The following PDE1C variants were observed in gnomAD, a reference collection of about 807,000 sequenced individuals.
PDE1C encodes the protein phosphodiesterase 1C, also known as dual specificity calcium/calmodulin-dependent 3',5'-cyclic nucleotide phosphodiesterase 1C.
In PDE1C, 62 loss-of-function variants were observed where a neutral mutation model predicts 93.1. The observed-to-expected ratio is 0.67, with a 90% CI of 0.54 to 0.82. The LOEUF is 0.82. Among genes scored for constraint, PDE1C ranks in the 40% least tolerant of loss-of-function variants. PDE1C has a pLI of 0.00. For synonymous variants in PDE1C, 325 were observed against 310.1 expected (o/e 1.05, Z -0.50); for missense variants, 742 against 884.6 (o/e 0.84, Z 2.04).
At chr7:32,310,665 T>C (rs914114527) in intron 1 of PDE1C, among the ~76,000 whole-genome samples, 13 of 151,984 alleles carry the variant, frequency 8.6e-5, no homozygotes, top group East Asian at 5.8e-4. Context: ...GGGTACATAA[T>C]GAAATGAAGG....
chr7:31,944,422 C>T (rs1806304324), intron 2 of PDE1C, among the ~76,000 whole-genome samples: 1 of 152,200 alleles, frequency 6.6e-6, no homozygotes, highest in Non-Finnish European at 1.5e-5. Context: ...TTCAAGGCAG[C>T]TCTCCTGAGG....
chr7:32,011,554 GGTAATAA>G (rs1787117467), intron 2 of PDE1C, among the ~76,000 whole-genome samples: 1 of 152,232 alleles, frequency 6.6e-6, no homozygotes, highest in Admixed American at 6.5e-5. Context: ...AAGATAAAAA[GGTAATAA>G]GTAAGCACAT....
At chr7:31,729,256 C>T in the PDE1C span, among the ~76,000 whole-genome samples, 1 of 152,110 alleles carries the variant, frequency 6.6e-6, no homozygotes, top group African/African-American at 2.4e-5. Flanking sequence ...TGGGAAATAC[C>T]CTGCTCAGAG....
At chr7:31,714,613 T>G in the PDE1C span, among the ~76,000 whole-genome samples, 1 of 152,176 alleles carries the variant, frequency 6.6e-6, no homozygotes, top group Non-Finnish European at 1.5e-5. Context: ...AAAAGAAGTT[T>G]AATGGACTTG....
the PDE1C span, among the ~76,000 whole-genome samples, chr7:31,722,667 C>A: frequency 2.0e-5 from 3 of 152,180 alleles, no homozygotes; most frequent in East Asian, 5.8e-4. Context: ...GGTGAAGAAG[C>A]AGGATGGTGG....
chr7:31,906,998 G>A (rs6951702), intron 2 of PDE1C, among the ~76,000 whole-genome samples: 3,659 of 151,776 alleles, frequency 0.024, 142 homozygotes, highest in African/African-American at 0.084. Context: ...ATGATGCAAG[G>A]CAGAATGAAA....
At chr7:32,169,636 A>G (rs1802521268) in intron 3 of PDE1C, 3 of 706,734 alleles carry the variant, frequency 4.2e-6, no homozygotes, top group Non-Finnish European at 7.3e-6. Context: ...TCCAGCTAGC[A>G]TTGATTCCAA....
At chr7:31,763,848 G>C (rs2191878) in intron 17 of PDE1C, among the ~76,000 whole-genome samples, 16,986 of 151,994 alleles carry the variant, frequency 0.11, 1,329 homozygotes, top group East Asian at 0.38. Context: ...TTACATGAAA[G>C]ATCTCACCAC....
At chr7:32,148,726 G>A (rs912770918) in intron 3 of PDE1C, among the ~76,000 whole-genome samples, 38 of 152,080 alleles carry the variant, frequency 2.5e-4, no homozygotes, top group Admixed American at 1.4e-3. Context: ...ACTCACTGCC[G>A]TATCCCCAGC....
At chr7:31,652,917 G>C in the PDE1C span, 1 of 1,537,606 alleles carries the variant, frequency 6.5e-7, no homozygotes. Flanking sequence ...CAAGGAGAAG[G>C]GTCTGCCAAC....
At chr7:32,069,566 T>C (rs1795784867) in intron 1 of PDE1C, among the ~76,000 whole-genome samples, 1 of 152,070 alleles carries the variant, frequency 6.6e-6, no homozygotes, top group Non-Finnish European at 1.5e-5. Flanking sequence ...GAAATATTTT[T>C]ACAGAAAATA....
the PDE1C span, among the ~76,000 whole-genome samples, chr7:31,650,502 T>C: frequency 1.3e-5 from 2 of 151,944 alleles, no homozygotes; most frequent in African/African-American, 4.8e-5. Context: ...TCAGGAGCAA[T>C]GGGAAGGATT....
chr7:32,036,662 G>A (rs1278297146), intron 2 of PDE1C, among the ~76,000 whole-genome samples: 1 of 152,096 alleles, frequency 6.6e-6, no homozygotes, highest in African/African-American at 2.4e-5. Flanking sequence ...TTAAAAAGAT[G>A]GCAAGCAACA....
chr7:32,031,401 A>G (rs1298223203), intron 2 of PDE1C, among the ~76,000 whole-genome samples: 1 of 152,194 alleles, frequency 6.6e-6, no homozygotes, highest in Admixed American at 6.5e-5. Flanking sequence ...AAAGCCACAC[A>G]CTGATTAGTA....
At chr7:32,159,110 C>T (rs958635306) in intron 3 of PDE1C, among the ~76,000 whole-genome samples, 35 of 152,054 alleles carry the variant, frequency 2.3e-4, no homozygotes, top group African/African-American at 6.5e-4. Context: ...GTCTGGGAGA[C>T]GGGGAGAGGG....
At chr7:32,161,882 AGG>A (rs1801948909) in intron 3 of PDE1C, among the ~76,000 whole-genome samples, 1 of 152,118 alleles carries the variant, frequency 6.6e-6, no homozygotes, top group African/African-American at 2.4e-5. Context: ...GCATATGCTG[AGG>A]GGTTGAGGAC....
At chr7:32,378,568 C>T (rs1260450829) in intron 1 of PDE1C, among the ~76,000 whole-genome samples, 1 of 152,160 alleles carries the variant, frequency 6.6e-6, no homozygotes, top group Non-Finnish European at 1.5e-5. Context: ...ATGCAACTTC[C>T]CCAGTTACTC....
chr7:32,182,047 T>A (rs1803478809), intron 2 of PDE1C, among the ~76,000 whole-genome samples: 2 of 152,240 alleles, frequency 1.3e-5, no homozygotes, highest in Non-Finnish European at 2.9e-5. Context: ...CTAGAAAATC[T>A]AGAAGAAATG....
intron 2 of PDE1C, among the ~76,000 whole-genome samples, chr7:31,971,869 G>A (rs1001877654): frequency 2.6e-5 from 4 of 152,160 alleles, no homozygotes; most frequent in African/African-American, 9.7e-5. Flanking sequence ...CTGGTTTCCT[G>A]TAGTGCTAAT....
Sources: gnomAD v4.1 joint callset for allele counts (sites outside exome capture counted in the v4.1 genomes callset) on GRCh38, gnomAD v4.1.1 for gene constraint, MANE v1.5 for transcripts, NCBI Gene and HGNC (gene_info 2026-07-23, HGNC 2026-07-21) for gene names.